JMJD1C: variants seen among roughly 807,000 people sequenced by gnomAD.
JMJD1C encodes the protein jumonji domain containing 1C, also known as jumonji domain-containing protein 1C.
In JMJD1C, 31 loss-of-function variants were observed where a neutral mutation model predicts 245.3. That is an observed-to-expected ratio of 0.13 (90% CI 0.09 to 0.17). JMJD1C has a LOEUF of 0.17. JMJD1C is among the 10% of genes least tolerant of loss of function. JMJD1C has a pLI of 1.00. For missense variants in JMJD1C, 2,691 were observed against 3,000.2 expected (o/e 0.90, Z 2.41); for synonymous variants, 1,057 against 1,017.4 (o/e 1.04, Z -0.74).
Position 63,276,513 on chromosome 10 carries a change from C to T in JMJD1C, c.334-11749G>A, listed in dbSNP as rs183672238. Among the ~76,000 whole-genome samples, 906 of 151,314 alleles carry T rather than the reference C, an allele frequency of 6.0e-3. 8 individuals carry two copies. Among genetic ancestry groups the T allele is most frequent in the African/African-American group, 0.021 (872 of 41,284 alleles). On this transcript the variant is annotated intron_variant, in intron 2 of 25. Coordinates refer to ENST00000399262, the MANE Select transcript of JMJD1C (RefSeq NM_032776.3). ...CAGCCTGGCCAACATGGTGAAACCC[C>T]AACTCTACTAAAAATACAAAAATCA...
chr10:63,358,542 TATATTA>T (rs1185952276), intron 2 of JMJD1C, among the ~76,000 whole-genome samples: 1 of 151,968 alleles, frequency 6.6e-6, no homozygotes, highest in African/African-American at 2.4e-5. Context: ...AGATATATCA[TATATTA>T]GGGTTAGAAT....
intron 3 of JMJD1C, among the ~76,000 whole-genome samples, chr10:63,245,460 A>G (rs1852072038): frequency 7.3e-6 from 1 of 136,702 alleles, no homozygotes; most frequent in Non-Finnish European, 1.6e-5. Flanking sequence ...AAAGAGAGGG[A>G]GCTTCTGCAG....
chr10:63,225,532 C>G (rs1213742946), intron 3 of JMJD1C, among the ~76,000 whole-genome samples: 5 of 151,984 alleles, frequency 3.3e-5, no homozygotes, highest in Admixed American at 3.3e-4. Context: ...ACCTATAATC[C>G]CAGCACTTTG....
intron 22 of JMJD1C, among the ~76,000 whole-genome samples, chr10:63,179,793 A>G (rs558084392): frequency 4.7e-4 from 71 of 152,122 alleles, no homozygotes; most frequent in African/African-American, 1.6e-3. Context: ...GAAAAAAAAA[A>G]AAAAATCATG....
In JMJD1C at chr10:63,465,743, TGAG is replaced by T. The variant is rs766441474; in HGVS notation, c.-84_-82del. ...CCTCACTCCTACCGGCCGCTCATGC[TGAG>T]GAGAGCGGACCGGGACACAGCAGCG... On this transcript the variant is annotated 5_prime_UTR_variant, in exon 1 of 26. Coordinates refer to ENST00000399262, the MANE Select transcript of JMJD1C (RefSeq NM_032776.3). 89 of 1,512,598 alleles carry T rather than the reference TGAG, an allele frequency of 5.9e-5. No homozygotes were observed. The highest frequency in any genetic ancestry group is 1.7e-4 in the Middle Eastern group (1 of 5,942). 93.7% of individuals were successfully genotyped at this position (1,512,598 alleles called of 1,614,324 possible).
chr10:63,283,708 A>T (rs1199450263), intron 2 of JMJD1C, among the ~76,000 whole-genome samples: 1 of 152,112 alleles, frequency 6.6e-6, no homozygotes, highest in Non-Finnish European at 1.5e-5. Flanking sequence ...TCATTTCAGG[A>T]ATTCTCAGAA....
At chr10:63,357,915 C>T in intron 2 of JMJD1C, among the ~76,000 whole-genome samples, 1 of 141,818 alleles carries the variant, frequency 7.1e-6, no homozygotes, top group Non-Finnish European at 1.5e-5. Context: ...GTACCCAAAA[C>T]AGACTTCCCC....
chr10:63,431,736 G>A (rs532557761), intron 1 of JMJD1C, among the ~76,000 whole-genome samples: 13 of 152,176 alleles, frequency 8.5e-5, no homozygotes, highest in Non-Finnish European at 1.6e-4. Context: ...ACTTGCGGCC[G>A]GGCGCAGTGG....
Position 63,453,417 on chromosome 10 carries a change from G to A in JMJD1C, c.168+12078C>T, listed in dbSNP as rs540191791. Reference sequence around the variant, plus strand: ...TTACCTATTAAGATTCTATAAAACTGCAATCATTAAAACACTCTGATCTTG... The same window carrying A: ...TTACCTATTAAGATTCTATAAAACTACAATCATTAAAACACTCTGATCTTG... On this transcript the variant is annotated intron_variant, in intron 1 of 25. Coordinates refer to ENST00000399262, the MANE Select transcript of JMJD1C (RefSeq NM_032776.3). Among the ~76,000 whole-genome samples the A allele has an allele frequency of 2.6e-5, 4 of 152,192 alleles. No individual in the cohort carries two copies. In the South Asian group the frequency reaches 8.3e-4, roughly 32 times the overall value.
chr10:63,197,416 G>A lies in JMJD1C; in HGVS notation c.5639C>T (p.Ser1880Phe). The A allele has an allele frequency of 6.2e-7, 1 of 1,612,804 alleles. No individual in the cohort carries two copies. Among genetic ancestry groups the A allele is most frequent in the South Asian group, 1.1e-5 (1 of 90,724 alleles). The change falls in exon 13 of 26, where the codon TCT becomes TTT. Residue 1880 changes from serine (S) to phenylalanine (F), a missense_variant. Ser to Phe is a radical substitution (Grantham distance 155). Around this residue, in one of 9 missense-constraint regions of JMJD1C, gnomAD observed 139 missense variants for 270.5 expected, o/e 0.51. Transcript: ENST00000399262. ...ATATAAACTTATACACCAACCTCTA[G>A]AACTCTTCCTTTCCTTTGCCTTGTA... ...DCYKAKERKS[S>F]RDKELYAWMK...
intron 13 of JMJD1C, among the ~76,000 whole-genome samples, chr10:63,195,128 C>G (rs540242096): frequency 6.6e-6 from 1 of 151,924 alleles, no homozygotes; most frequent in Admixed American, 6.6e-5. Context: ...GCCAAGGCAG[C>G]GGATCACTTG....
At chr10:63,246,836 T>G (rs1852271438) in intron 3 of JMJD1C, among the ~76,000 whole-genome samples, 1 of 151,970 alleles carries the variant, frequency 6.6e-6, no homozygotes, top group Admixed American at 6.6e-5. Flanking sequence ...AACAACATGC[T>G]CCTGAACAAC....
At chr10:63,441,140 A>C (rs1951359690) in intron 1 of JMJD1C, among the ~76,000 whole-genome samples, 2 of 152,226 alleles carry the variant, frequency 1.3e-5, no homozygotes, top group African/African-American at 4.8e-5. Context: ...ACAGTATTGC[A>C]TATACAAAAG....
At chr10:63,224,680 C>A (rs959868779) in intron 3 of JMJD1C, among the ~76,000 whole-genome samples, 2 of 152,132 alleles carry the variant, frequency 1.3e-5, no homozygotes, top group African/African-American at 4.8e-5. Flanking sequence ...AATTAAGGGT[C>A]TGGAATTAAA....
At chr10:63,183,787 AAAT>A (rs967179975) in intron 21 of JMJD1C, among the ~76,000 whole-genome samples, 2 of 152,230 alleles carry the variant, frequency 1.3e-5, no homozygotes, top group African/African-American at 4.8e-5. Flanking sequence ...ATTAAAAATC[AAAT>A]AAATAAAAAA....
Position 63,215,367 on chromosome 10 carries a change from T to G in JMJD1C, c.911A>C (p.Gln304Pro). ...AVPKQNTHQQ[Q>P]QQRSIRPNKR... ...ATTTGGACGGATACTTCTTTGTTGC[T>G]GTTGCTGGTGTGTATTCTGTTTTGG... The change falls in exon 7 of 26, where the codon CAG (glutamine) becomes CCG (proline). Residue 304 changes from glutamine (Q) to proline (P), a missense_variant. By Grantham distance (76) the Gln-to-Pro change is moderately conservative. Around this residue, in one of 9 missense-constraint regions of JMJD1C, gnomAD observed 1,562 missense variants for 1,490.7 expected, o/e 1.05. Coordinates refer to ENST00000399262, the MANE Select transcript of JMJD1C (RefSeq NM_032776.3). 1 of 1,614,216 alleles carries G rather than the reference T, an allele frequency of 6.2e-7. No homozygotes were observed. Among genetic ancestry groups the G allele is most frequent in the Non-Finnish European group, 8.5e-7 (1 of 1,180,018 alleles).
intron 1 of JMJD1C, among the ~76,000 whole-genome samples, chr10:63,390,296 C>T (rs1947952412): frequency 6.6e-6 from 1 of 151,992 alleles, no homozygotes; most frequent in Admixed American, 6.6e-5. Context: ...TGGATAAATT[C>T]CTGGACACAT....
In JMJD1C at chr10:63,198,493, G is replaced by T. The variant is rs762677878; in HGVS notation, c.5491+20C>A. 2.8e-6 allele frequency: 4 copies of T among 1,444,968 alleles called. No individual in the cohort carries two copies. The East Asian group carries it at 9.2e-5, about 33-fold the overall frequency. 89.5% of individuals were successfully genotyped at this position (1,444,968 alleles called of 1,614,324 possible). ...TTAAAATGAAATTTGTGCAGTTCAT[G>T]TTATATTTAACTTCCTTACCATCCT... On this transcript the variant is annotated intron_variant, in intron 12 of 25. Transcript: ENST00000399262.
At chr10:63,349,270 T>C (rs1944132765) in intron 2 of JMJD1C, among the ~76,000 whole-genome samples, 1 of 152,162 alleles carries the variant, frequency 6.6e-6, no homozygotes, top group African/African-American at 2.4e-5. Context: ...ACTTCTTTTC[T>C]TTATAAATTA....
Sources: allele counts gnomAD v4.1 joint callset (sites outside exome capture counted in the v4.1 genomes callset), GRCh38; gene constraint gnomAD v4.1.1; regional missense constraint gnomAD v4.1.1; transcripts MANE v1.5; gene names NCBI Gene and HGNC (gene_info 2026-07-23, HGNC 2026-07-21).